Variants in PIK3R6 observed in about 807,000 individuals in gnomAD.
PIK3R6 encodes phosphoinositide 3-kinase regulatory subunit 6.
PIK3R6 carries 91 observed loss-of-function variants against 84.9 expected under a neutral mutation model. The observed-to-expected ratio is 1.07, with a 90% CI of 0.90 to 1.28. The LOEUF (loss-of-function observed/expected upper bound fraction) is 1.28, where lower values mean the gene tolerates loss of function less well. Among genes scored for constraint, PIK3R6 ranks in the 50% most tolerant of loss-of-function variants. The pLI, the probability that PIK3R6 is intolerant of heterozygous loss-of-function variation, is 0.00. For missense variants in PIK3R6, 996 were observed against 985.1 expected, an observed-to-expected ratio of 1.01 and a Z score of -0.15; for synonymous variants, 416 against 411.4, an observed-to-expected ratio of 1.01 and a Z score of -0.13.
chr17:8,837,709 T>C (rs1355170840), intron 5 of PIK3R6, 94 bp downstream of exon 5: 2 of 1,111,308 alleles, frequency 1.8e-6, no homozygotes, highest in Non-Finnish European at 2.7e-6. Flanking sequence ...TCTAGGCTCA[T>C]CCTGGCGGAG....
At chr17:8,819,045 G>C in intron 18 of PIK3R6, 38 bp downstream of exon 18, 1 of 1,467,274 alleles carries the variant, frequency 6.8e-7, no homozygotes, top group South Asian at 1.3e-5. Context: ...TGCTGTCCCA[G>C]CTGGCTGTCT....
intron 18 of PIK3R6, among the ~76,000 whole-genome samples, chr17:8,814,215 C>CTGTTTTTTTTTTTTTTTTTTT (rs2087452874): frequency 1.2e-5 from 1 of 85,520 alleles, no homozygotes; most frequent in Non-Finnish European, 2.1e-5. Flanking sequence ...AGAGAGAGAT[C>CTGTTTTTTTTTTTTTTTTTTT]TTTTTTTTTT....
intron 1 of PIK3R6, among the ~76,000 whole-genome samples, chr17:8,864,529 C>CT (rs35714531): frequency 0.15 from 9,710 of 65,578 alleles, 2,802 homozygotes; most frequent in Non-Finnish European, 0.18. Context: ...CTTCACAGCT[C>CT]TTTTTTTTTT....
intron 9 of PIK3R6, among the ~76,000 whole-genome samples, chr17:8,830,046 C>T (rs2151244376): frequency 6.6e-6 from 1 of 152,336 alleles, no homozygotes; most frequent in East Asian, 1.9e-4. Context: ...GGGGTCTTCA[C>T]AAACCAGCTC....
intron 3 of PIK3R6, 86 bp from the exon 4 acceptor site, chr17:8,838,741 G>T: frequency 7.6e-7 from 1 of 1,312,264 alleles, no homozygotes; most frequent in Non-Finnish European, 1.1e-6. Flanking sequence ...GAGCCCTGGA[G>T]CCTCAGCTGC....
chr17:8,866,478 G>A (rs2089415558), intron 1 of PIK3R6, among the ~76,000 whole-genome samples: 1 of 152,102 alleles, frequency 6.6e-6, no homozygotes, highest in Non-Finnish European at 1.5e-5. Context: ...GGAGACGGAG[G>A]TTGCAGTGAG....
chr17:8,806,378 C>G (rs1237324997), intron 18 of PIK3R6, among the ~76,000 whole-genome samples: 1 of 152,216 alleles, frequency 6.6e-6, no homozygotes, highest in African/African-American at 2.4e-5. Flanking sequence ...GGCCTCCACG[C>G]CCTGCCCATG....
chr17:8,808,737 C>T (rs1212711619), intron 18 of PIK3R6, among the ~76,000 whole-genome samples: 2 of 151,904 alleles, frequency 1.3e-5, no homozygotes, highest in Non-Finnish European at 2.9e-5. Context: ...GTTTGATAGT[C>T]CAGGAAATGA....
chr17:8,851,954 A>G (rs186989180), intron 1 of PIK3R6, among the ~76,000 whole-genome samples: 3 of 152,376 alleles, frequency 2.0e-5, no homozygotes, highest in Admixed American at 2.0e-4. Flanking sequence ...AAGGAATGAA[A>G]TTCAGATATA....
At position 8,827,237 on chromosome 17, in the gene PIK3R6, C is replaced by A. The variant is rs771187907; in HGVS notation, c.1450G>T (p.Val484Leu). 1 of 1,595,784 alleles carries A rather than the reference C, an allele frequency of 6.3e-7. No individual in the cohort carries two copies. The highest frequency in any genetic ancestry group is 1.1e-5 in the South Asian group (1 of 87,766). The change falls in exon 13 of 20, where the codon GTA (valine) becomes TTA (leucine). Residue 484 changes from valine (V) to leucine (L), a missense_variant. By Grantham distance (32) the Val-to-Leu change is conservative. Transcript: ENST00000619866. The stretch of plus-strand genomic sequence containing the variant: ...ACGTTGCTCTGGTACCACGGGTCTA[C>A]GCGGCCCAGGAACGTAGCCAGCTCT... ...LGELATFLGR[V>L]DPWYQSNVNT...
intron 13 of PIK3R6, among the ~76,000 whole-genome samples, chr17:8,826,820 A>G (rs2087932980): frequency 6.6e-6 from 1 of 152,182 alleles, no homozygotes; most frequent in African/African-American, 2.4e-5. Context: ...AATGATAAAA[A>G]AAGAAAAAGG....
At chr17:8,816,733 A>C (rs1567570413) in intron 18 of PIK3R6, among the ~76,000 whole-genome samples, 1 of 152,254 alleles carries the variant, frequency 6.6e-6, no homozygotes, top group Non-Finnish European at 1.5e-5. Context: ...GAAAAGTTTG[A>C]TCATCAAATT....
intron 1 of PIK3R6, among the ~76,000 whole-genome samples, chr17:8,857,846 G>C (rs2089178479): frequency 6.6e-6 from 1 of 150,430 alleles, no homozygotes; most frequent in Non-Finnish European, 1.5e-5. Context: ...GTTGCAGTGA[G>C]CTGCAATCGT....
chr17:8,833,548 T>TG (rs1428600607), intron 8 of PIK3R6, among the ~76,000 whole-genome samples: 4 of 150,926 alleles, frequency 2.7e-5, no homozygotes, highest in East Asian at 3.9e-4. Context: ...TGACTTTTTT[T>TG]TTTTTTTTTT....
intron 9 of PIK3R6, among the ~76,000 whole-genome samples, chr17:8,832,322 A>G (rs2088268171): frequency 6.7e-6 from 1 of 148,208 alleles, no homozygotes; most frequent in African/African-American, 2.5e-5. Context: ...CAACTGGAGT[A>G]TAGTAGGGGC....
chr17:8,820,348 C>T (rs999753769), intron 17 of PIK3R6, among the ~76,000 whole-genome samples: 1 of 151,418 alleles, frequency 6.6e-6, no homozygotes, highest in Non-Finnish European at 1.5e-5. Context: ...ATAGTTTGAA[C>T]AATAAGAGCT....
At chr17:8,853,149 G>A (rs1372127161) in intron 1 of PIK3R6, among the ~76,000 whole-genome samples, 1 of 151,888 alleles carries the variant, frequency 6.6e-6, no homozygotes, top group African/African-American at 2.4e-5. Context: ...GCTGAATTCG[G>A]AAGATACAAT....
At chr17:8,837,422 C>A (rs1567598514) in intron 5 of PIK3R6, among the ~76,000 whole-genome samples, 1 of 152,152 alleles carries the variant, frequency 6.6e-6, no homozygotes, top group Non-Finnish European at 1.5e-5. Flanking sequence ...CAACCCCAGA[C>A]TTGGTCTTCC....
intron 1 of PIK3R6, among the ~76,000 whole-genome samples, chr17:8,853,286 C>T (rs1432286569): frequency 1.3e-5 from 2 of 151,214 alleles, no homozygotes; most frequent in Non-Finnish European, 2.9e-5. Context: ...CAGATGGAGA[C>T]CATCCTGGCT....
Sources: gnomAD v4.1 joint callset for allele counts (sites outside exome capture counted in the v4.1 genomes callset) on GRCh38, gnomAD v4.1.1 for gene constraint, MANE v1.5 for transcripts, NCBI Gene and HGNC (gene_info 2026-07-23, HGNC 2026-07-21) for gene names.